Variants in ULK4 observed in about 807,000 individuals in gnomAD.
ULK4 encodes unc-51 like kinase 4.
In ULK4, 133 loss-of-function variants were observed where a neutral mutation model predicts 160.6. The observed-to-expected ratio is 0.83, with a 90% CI of 0.72 to 0.96. The LOEUF (loss-of-function observed/expected upper bound fraction) is 0.96. Ranked by LOEUF, ULK4 falls within the 40% of genes least tolerant of loss-of-function variation. The pLI is 0.00. For synonymous variants in ULK4, 534 were observed against 539.8 expected, an observed-to-expected ratio of 0.99 and a Z score of 0.15; for missense variants, 1,580 against 1,499.5, an observed-to-expected ratio of 1.05 and a Z score of -0.89.
chr3:41,258,445 G>A (rs908220014), intron 35 of ULK4: 3 of 152,240 alleles, frequency 2.0e-5, no homozygotes, highest in Admixed American at 1.3e-4. Context: ...GTATTCCAGC[G>A]ACACTAAGAA....
At chr3:41,830,657 T>C (rs1233077718) in intron 18 of ULK4, among the ~76,000 whole-genome samples, 1 of 152,128 alleles carries the variant, frequency 6.6e-6, no homozygotes, top group African/African-American at 2.4e-5. Context: ...GACTAGACTG[T>C]CATTATTGGT....
chr3:41,431,107 T>C (rs1559596197), intron 34 of ULK4, among the ~76,000 whole-genome samples: 1 of 152,172 alleles, frequency 6.6e-6, no homozygotes. Context: ...CCTAGCACTT[T>C]GGGTGGCGGA....
chr3:41,849,201 T>C (rs764359876), intron 17 of ULK4, among the ~76,000 whole-genome samples: 1 of 152,186 alleles, frequency 6.6e-6, no homozygotes, highest in African/African-American at 2.4e-5. Flanking sequence ...ACCCTAATCA[T>C]TCAATTCAAA....
chr3:41,768,862 T>C (rs1242480570), intron 21 of ULK4, among the ~76,000 whole-genome samples: 1 of 152,144 alleles, frequency 6.6e-6, no homozygotes, highest in African/African-American at 2.4e-5. Flanking sequence ...AAGTGACCAA[T>C]AGTAAGTGAC....
chr3:41,931,811 G>A (rs747798786), intron 5 of ULK4, 33 bp downstream of exon 5: 49 of 1,611,896 alleles, frequency 3.0e-5, no homozygotes, highest in Non-Finnish European at 3.9e-5. Context: ...CACAACTAGA[G>A]TTATGATCTT....
At chr3:41,685,258 C>T (rs1245275684) in intron 27 of ULK4, among the ~76,000 whole-genome samples, 1 of 152,214 alleles carries the variant, frequency 6.6e-6, no homozygotes, top group Non-Finnish European at 1.5e-5. Context: ...GAAGTAGCTT[C>T]TGAAGATGAG....
intron 2 of ULK4, among the ~76,000 whole-genome samples, chr3:41,953,422 C>G (rs755437728): frequency 1.3e-5 from 2 of 151,322 alleles, no homozygotes; most frequent in African/African-American, 2.4e-5. Context: ...CCTGCCTCAG[C>G]CTCCTGAGTA....
intron 35 of ULK4, among the ~76,000 whole-genome samples, chr3:41,306,028 C>T (rs1430508585): frequency 8.7e-5 from 13 of 149,794 alleles, no homozygotes; most frequent in East Asian, 2.0e-4. Context: ...GCCTGGCAGT[C>T]GCCCCGTCTG....
chr3:41,528,832 G>C (rs1288720015), intron 32 of ULK4, among the ~76,000 whole-genome samples: 1 of 152,156 alleles, frequency 6.6e-6, no homozygotes, highest in African/African-American at 2.4e-5. Flanking sequence ...ACTGCAGTGT[G>C]TTGTTGTCCA....
At chr3:41,629,779 C>T (rs1334555014) in intron 30 of ULK4, among the ~76,000 whole-genome samples, 3 of 151,884 alleles carry the variant, frequency 2.0e-5, no homozygotes, top group Non-Finnish European at 2.9e-5. Flanking sequence ...CACTTGAGCA[C>T]CAAGAGTTTG....
At chr3:41,763,707 G>C (rs1266155960) in intron 21 of ULK4, among the ~76,000 whole-genome samples, 3 of 152,110 alleles carry the variant, frequency 2.0e-5, no homozygotes, top group Non-Finnish European at 4.4e-5. Flanking sequence ...CACTTCTTTT[G>C]GGTATACACC....
intron 30 of ULK4, among the ~76,000 whole-genome samples, chr3:41,659,585 G>T (rs941568090): frequency 7.2e-5 from 11 of 151,852 alleles, no homozygotes; most frequent in Non-Finnish European, 1.5e-4. Flanking sequence ...AGTTTTGATG[G>T]CAAGACTTGC....
intron 35 of ULK4, among the ~76,000 whole-genome samples, chr3:41,255,248 G>A (rs2078813253): frequency 1.3e-5 from 2 of 152,028 alleles, no homozygotes; most frequent in South Asian, 2.1e-4. Context: ...TTGGGAGGCC[G>A]AGGTGGGTGG....
chr3:41,792,865 T>G (rs1489109702), intron 20 of ULK4, among the ~76,000 whole-genome samples: 1 of 152,204 alleles, frequency 6.6e-6, no homozygotes, highest in Non-Finnish European at 1.5e-5. Flanking sequence ...ATGTGGTTTT[T>G]AAACATTTAC....
chr3:41,317,038 T>C (rs955456358), intron 35 of ULK4, among the ~76,000 whole-genome samples: 2 of 149,932 alleles, frequency 1.3e-5, no homozygotes, highest in African/African-American at 4.9e-5. Context: ...TTGGAAATTT[T>C]GATGTAAAAT....
At chr3:41,567,109 GA>G (rs1294621938) in intron 31 of ULK4, among the ~76,000 whole-genome samples, 2 of 152,078 alleles carry the variant, frequency 1.3e-5, no homozygotes, top group East Asian at 3.9e-4. Flanking sequence ...GCTTGATCTA[GA>G]CCTTTTTATA....
intron 35 of ULK4, among the ~76,000 whole-genome samples, chr3:41,267,345 A>AT (rs1237211018): frequency 2.6e-5 from 4 of 152,078 alleles, no homozygotes; most frequent in African/African-American, 9.7e-5. Flanking sequence ...ACATGATCTT[A>AT]TTCCTTTTTA....
chr3:41,517,788 G>A (rs1431549098), intron 32 of ULK4, among the ~76,000 whole-genome samples: 1 of 152,180 alleles, frequency 6.6e-6, no homozygotes, highest in Non-Finnish European at 1.5e-5. Context: ...CAGGGATCCT[G>A]GGCAAGTTTC....
chr3:41,793,042 G>A (rs749443618), intron 20 of ULK4, among the ~76,000 whole-genome samples: 1 of 152,054 alleles, frequency 6.6e-6, no homozygotes, highest in Non-Finnish European at 1.5e-5. Flanking sequence ...ACCTGCTGGC[G>A]GGTGCCTGTA....
Sources: allele counts gnomAD v4.1 joint callset (sites outside exome capture counted in the v4.1 genomes callset), GRCh38; gene constraint gnomAD v4.1.1; transcripts MANE v1.5; gene names NCBI Gene and HGNC (gene_info 2026-07-23, HGNC 2026-07-21).